Variants in PAX5 observed in about 807,000 individuals in gnomAD.
The protein encoded by PAX5 is paired box 5.
A neutral mutation model predicts 43.7 loss-of-function variants in PAX5; 9 were observed. That is an observed-to-expected ratio of 0.21 (90% CI 0.12 to 0.36). The LOEUF is 0.36. Among genes scored for constraint, PAX5 ranks in the 10% least tolerant of loss-of-function variants. PAX5 has a pLI of 1.00. For missense variants in PAX5, 383 were observed against 532.7 expected (o/e 0.72, Z 2.77); for synonymous variants, 228 against 214.3 (o/e 1.06, Z -0.56).
intron 1 of PAX5, chr9:37,026,415 T>C: frequency 1.1e-6 from 1 of 915,276 alleles, no homozygotes. Context: ...TTTGCAAAGT[T>C]AGCTGCGCGG....
intron 5 of PAX5, among the ~76,000 whole-genome samples, chr9:36,974,820 C>T (rs1295941437): frequency 2.0e-5 from 3 of 152,160 alleles, no homozygotes; most frequent in Non-Finnish European, 4.4e-5. Flanking sequence ...GGGGACAAAG[C>T]CTGAGCCCCC....
chr9:36,973,467 A>G (rs912364887), intron 5 of PAX5, among the ~76,000 whole-genome samples: 6 of 152,210 alleles, frequency 3.9e-5, no homozygotes, highest in East Asian at 3.8e-4. Context: ...AGTGAGTCCA[A>G]TGAGCTTGGA....
At chr9:36,955,143 C>G (rs1024625959) in intron 6 of PAX5, among the ~76,000 whole-genome samples, 1 of 152,016 alleles carries the variant, frequency 6.6e-6, no homozygotes, top group African/African-American at 2.4e-5. Flanking sequence ...TTTTTCATCT[C>G]TTTAATCATT....
intron 2 of PAX5, among the ~76,000 whole-genome samples, chr9:37,018,588 A>AAAAAAAAAAAC (rs369531887): frequency 6.6e-6 from 1 of 150,960 alleles, no homozygotes; most frequent in Non-Finnish European, 1.5e-5. Context: ...AAAAAAAAAA[A>AAAAAAAAAAAC]TCTGTGGATT....
intron 7 of PAX5, among the ~76,000 whole-genome samples, chr9:36,909,740 A>G (rs990305795): frequency 1.1e-4 from 16 of 151,206 alleles, no homozygotes; most frequent in African/African-American, 3.9e-4. Context: ...ACTCTCCCCA[A>G]GTGTGGCCAC....
intron 7 of PAX5, among the ~76,000 whole-genome samples, chr9:36,898,609 C>T (rs375243708): frequency 6.6e-6 from 1 of 152,198 alleles, no homozygotes; most frequent in East Asian, 1.9e-4. Flanking sequence ...TGGAAATTTT[C>T]GGCTCCATTT....
chr9:36,890,770 A>G (rs1304297314), intron 7 of PAX5, among the ~76,000 whole-genome samples: 2 of 152,136 alleles, frequency 1.3e-5, no homozygotes, highest in Admixed American at 1.3e-4. Flanking sequence ...CCTGAATTAA[A>G]CCCGAGTGAA....
intron 5 of PAX5, among the ~76,000 whole-genome samples, chr9:36,987,041 C>G (rs943924547): frequency 1.3e-5 from 2 of 152,206 alleles, no homozygotes; most frequent in Non-Finnish European, 2.9e-5. Flanking sequence ...GTCTAATCTT[C>G]CCCCACAGCC....
At chr9:37,017,108 A>C (rs1286598604) in intron 2 of PAX5, among the ~76,000 whole-genome samples, 1 of 152,264 alleles carries the variant, frequency 6.6e-6, no homozygotes, top group Non-Finnish European at 1.5e-5. Flanking sequence ...ACCCTAAGTC[A>C]AGGCACACAG....
At chr9:37,027,586 C>T (rs3013738) in intron 1 of PAX5, among the ~76,000 whole-genome samples, 2 of 152,224 alleles carry the variant, frequency 1.3e-5, no homozygotes, top group African/African-American at 2.4e-5. Flanking sequence ...GAGCCGCAGT[C>T]GGCTCTGACT....
intron 1 of PAX5, among the ~76,000 whole-genome samples, chr9:37,031,640 C>T (rs1840997706): frequency 6.6e-6 from 1 of 152,168 alleles, no homozygotes; most frequent in Admixed American, 6.5e-5. Flanking sequence ...TTCCTATTCC[C>T]TCCCTTACTC....
intron 3 of PAX5, among the ~76,000 whole-genome samples, chr9:37,013,246 C>T (rs569509176): frequency 3.9e-5 from 6 of 152,332 alleles, no homozygotes; most frequent in Non-Finnish European, 7.3e-5. Context: ...AGCTAAGAAG[C>T]ACTGCCCCTT....
intron 8 of PAX5, among the ~76,000 whole-genome samples, chr9:36,867,071 C>G (rs1009954274): frequency 2.9e-5 from 4 of 136,360 alleles, no homozygotes; most frequent in South Asian, 2.4e-4. Flanking sequence ...GGGGGGGGGG[C>G]CTTGGTTGGT....
Position 36,931,291 on chromosome 9 carries a change from C to T in PAX5, c.781-7807G>A, listed in dbSNP as rs568118541. Among the ~76,000 whole-genome samples, 3 of 152,352 alleles carry T rather than the reference C, an allele frequency of 2.0e-5. No individual in the cohort carries two copies. The East Asian group carries it at 5.8e-4, about 29-fold the overall frequency. On this transcript the variant is annotated intron_variant, in intron 6 of 9. Transcript: ENST00000358127. Reference sequence around the variant, plus strand: ...GAGCAGGCAAAGGGGTCTGCAAGCCCCTCCTTTCACTGGCCTCTGCTTCCC... The same window carrying T: ...GAGCAGGCAAAGGGGTCTGCAAGCCTCTCCTTTCACTGGCCTCTGCTTCCC...
chr9:36,918,518 C>T (rs552983602), intron 7 of PAX5, among the ~76,000 whole-genome samples: 2 of 151,998 alleles, frequency 1.3e-5, no homozygotes, highest in Non-Finnish European at 1.5e-5. Context: ...TAAAAATTAG[C>T]CAGGCATGGT....
chr9:36,891,475 G>C (rs1827374585), intron 7 of PAX5, among the ~76,000 whole-genome samples: 1 of 152,258 alleles, frequency 6.6e-6, no homozygotes, highest in Non-Finnish European at 1.5e-5. Flanking sequence ...GTGGCAGTTT[G>C]AACAGGGTTG....
At chr9:37,009,303 A>G (rs1838736970) in intron 3 of PAX5, among the ~76,000 whole-genome samples, 1 of 152,166 alleles carries the variant, frequency 6.6e-6, no homozygotes, top group Non-Finnish European at 1.5e-5. Context: ...ACCTTGGGTA[A>G]ATTACTTAAC....
chr9:36,841,373 C>G (rs572069223), intron 9 of PAX5, among the ~76,000 whole-genome samples: 1 of 152,246 alleles, frequency 6.6e-6, no homozygotes, highest in South Asian at 2.1e-4. Flanking sequence ...GTGCCTTTCC[C>G]CACAATGTGC....
At position 36,882,083 on chromosome 9, in the gene PAX5, G is replaced by A. The variant is rs753245650; in HGVS notation, c.933C>T (p.Thr311=). The change falls in exon 8 of 10, where the codon ACC becomes ACT. Residue 311 remains threonine, a synonymous_variant. Transcript: ENST00000358127. The surrounding 1 kb of genome is among the most constrained non-coding windows in gnomAD (Gnocchi z 4.4). ...GGACGTGTGGAGGGTACCCGGGGAGGGTCGTGCTCGCCAAGTCACGGCCTG... is the reference window on the plus strand; with the variant it reads ...GGACGTGTGGAGGGTACCCGGGGAGAGTCGTGCTCGCCAAGTCACGGCCTG... ...IVTGRDLAST[T]LPGYPPHVPP... is the part of the protein sequence containing the mutation. 3.1e-6 allele frequency: 5 copies of A among 1,601,076 alleles called. No individual in the cohort carries two copies. The East Asian group carries it at 6.8e-5, about 22-fold the overall frequency.
Sources: gnomAD v4.1 joint callset for allele counts (sites outside exome capture counted in the v4.1 genomes callset) on GRCh38, gnomAD v4.1.1 for gene constraint, Gnocchi (gnomAD v3.1) non-coding constraint, MANE v1.5 for transcripts, NCBI Gene and HGNC (gene_info 2026-07-23, HGNC 2026-07-21) for gene names.